The following LILRB1 variants were observed in gnomAD, a reference collection of about 807,000 sequenced individuals.
LILRB1 encodes leukocyte immunoglobulin like receptor B1.
In LILRB1, 59 loss-of-function variants were observed where a neutral mutation model predicts 74.6. That is an observed-to-expected ratio of 0.79 (90% CI 0.64 to 0.98). LILRB1 has a LOEUF of 0.98. LILRB1 is among the 50% of genes least tolerant of loss of function. The pLI, the probability that LILRB1 is intolerant of heterozygous loss-of-function variation, is 0.00. For synonymous variants in LILRB1, 328 were observed against 333.9 expected (o/e 0.98, Z 0.19); for missense variants, 804 against 822.6 (o/e 0.98, Z 0.28).
chr19:54,626,972 C>T (rs930322579), upstream of LILRB1, among the ~76,000 whole-genome samples: 7 of 152,188 alleles, frequency 4.6e-5, no homozygotes, highest in African/African-American at 9.7e-5. Context: ...CATGCACACC[C>T]GGGAAGGTGG....
chr19:54,632,693 C>CTACG lies in LILRB1; in HGVS notation c.892_895dup (p.Gly299ValfsTer27). 6.2e-7 allele frequency: 1 copy of CTACG among 1,612,934 alleles called. No homozygotes were observed. Among genetic ancestry groups the CTACG allele is most frequent in the East Asian group, 2.2e-5 (1 of 44,896 alleles). On this transcript the variant is annotated frameshift_variant, in exon 6 of 15. Transcript: ENST00000324602. LOFTEE classifies it high-confidence loss of function. ...GCTCCTACGGGGGCCAGTACAGATG[C>CTACG]TACGGTGCACACAACCTCTCCTCCG...
Position 54,636,857 on chromosome 19 carries a change from C to A in LILRB1, c.1938C>A (p.Tyr646Ter), listed in dbSNP as rs1395375851. 1.9e-6 allele frequency: 3 copies of A among 1,613,532 alleles called. No homozygotes were observed. ...CCTCTCCAGCTGTGCCCAGCATCTACGCCACTCTGGCCATCCACTAGCCCA... is the reference window on the plus strand; with the variant it reads ...CCTCTCCAGCTGTGCCCAGCATCTAAGCCACTCTGGCCATCCACTAGCCCA... Reference protein sequence around the residue: ...EGPSPAVPSIYATLAIH With the variant: ...EGPSPAVPSI The change falls in exon 15 of 15, where the codon TAC (tyrosine) becomes TAA (stop). Residue 646 changes from tyrosine to a stop codon, truncating the protein, a stop_gained. Coordinates refer to ENST00000324602, the MANE Select transcript of LILRB1 (RefSeq NM_001081637.3). LOFTEE classifies it high-confidence loss of function.
upstream of LILRB1, among the ~76,000 whole-genome samples, chr19:54,627,391 G>T (rs948240177): frequency 1.3e-5 from 2 of 152,140 alleles, no homozygotes; most frequent in Admixed American, 1.3e-4. Flanking sequence ...AGATGACTTT[G>T]GTCAAGCTCA....
At position 54,631,928 on chromosome 19, in the gene LILRB1, C is replaced by T. The variant is rs775508518; in HGVS notation, c.359-7C>T. On this transcript the variant is annotated splice_polypyrimidine_tract_variant and splice_region_variant and intron_variant, in intron 4 of 14. Transcript: ENST00000324602. Reference sequence around the variant, plus strand: ...CACATTTAACACGGTGCCTCCTTCTCTCCTAGGAGCCTACATCAAACCCAC... The same window carrying T: ...CACATTTAACACGGTGCCTCCTTCTTTCCTAGGAGCCTACATCAAACCCAC... 62 of 1,612,056 alleles carry T rather than the reference C, an allele frequency of 3.8e-5. No individual in the cohort carries two copies. The South Asian group carries it at 5.5e-4, about 14-fold the overall frequency.
At chr19:54,627,832 T>G (rs1338089907), upstream of LILRB1, among the ~76,000 whole-genome samples, 2 of 152,196 alleles carry the variant, frequency 1.3e-5, no homozygotes, top group Non-Finnish European at 2.9e-5. Flanking sequence ...TGTGTGGGAT[T>G]TTTTTTCCTA....
intron 9 of LILRB1, 103 bp from the exon 10 acceptor site, chr19:54,634,538 G>T: frequency 6.6e-7 from 1 of 1,520,644 alleles, no homozygotes; most frequent in East Asian, 2.5e-5. Flanking sequence ...CACGACTGTT[G>T]TGGGGGTTGG....
chr19:54,621,171 AC>A (rs1239219105), intron 1 of LILRB1, among the ~76,000 whole-genome samples: 1 of 152,126 alleles, frequency 6.6e-6, no homozygotes, highest in Admixed American at 6.5e-5. Context: ...ACCACACCTG[AC>A]CCAATTGTCT....
At chr19:54,632,349 G>T (rs2063950377) in intron 5 of LILRB1, 112 bp downstream of exon 5, 5 of 1,547,700 alleles carry the variant, frequency 3.2e-6, no homozygotes, top group Non-Finnish European at 3.5e-6. Flanking sequence ...AGGGCTCAGG[G>T]CTCCTGGGGC....
chr19:54,625,800 C>T (rs998526754), upstream of LILRB1, among the ~76,000 whole-genome samples: 1 of 148,334 alleles, frequency 6.7e-6, no homozygotes, highest in Non-Finnish European at 1.5e-5. Flanking sequence ...ACCCCTTCCC[C>T]GTGTTAGGGA....
intron 13 of LILRB1, chr19:54,636,062 C>T (rs1254449788): frequency 9.2e-6 from 5 of 540,834 alleles, no homozygotes; most frequent in Admixed American, 4.5e-5. Flanking sequence ...GTGCCGCCTC[C>T]AGGAGTGCAA....
At chr19:54,621,899 G>A (rs2063467911) in intron 1 of LILRB1, among the ~76,000 whole-genome samples, 1 of 152,040 alleles carries the variant, frequency 6.6e-6, no homozygotes, top group Admixed American at 6.6e-5. Flanking sequence ...TTATTCTTTT[G>A]CATATGGCTA....
At chr19:54,620,101 T>A (rs974196912) in intron 1 of LILRB1, among the ~76,000 whole-genome samples, 1 of 151,926 alleles carries the variant, frequency 6.6e-6, no homozygotes, top group Non-Finnish European at 1.5e-5. Context: ...ATTTAAGAGT[T>A]GCTTTAAAAT....
At chr19:54,633,407 G>A (rs2146273606) in intron 7 of LILRB1, 89 bp downstream of exon 7, 2 of 1,517,774 alleles carry the variant, frequency 1.3e-6, no homozygotes. Flanking sequence ...GGAGTGAGCG[G>A]GGGTCTGAGA....
chr19:54,633,073 G>A lies in LILRB1; in HGVS notation c.1016G>A (p.Gly339Glu), dbSNP rs753430663. 1.2e-6 allele frequency: 2 copies of A among 1,614,248 alleles called. No individual in the cohort carries two copies. The highest frequency in any genetic ancestry group is 1.1e-5 in the South Asian group (1 of 91,086). Residue 339 changes from glycine to glutamate, a missense_variant, in exon 7 of 15, where the codon GGA (glycine) becomes GAA (glutamate). Gly to Glu is a moderately conservative substitution (Grantham distance 98, BLOSUM62 -2). Coordinates refer to ENST00000324602, the MANE Select transcript of LILRB1 (RefSeq NM_001081637.3). ...SVQPGPTVAS[G>E]ENVTLLCQSQ... ...CAGCCGGGCCCCACGGTGGCCTCAG[G>A]AGAGAACGTGACCCTGCTGTGTCAG...
chr19:54,634,952 T>G (rs1470858858), intron 10 of LILRB1, 152 bp from the exon 11 acceptor site: 3 of 1,442,878 alleles, frequency 2.1e-6, no homozygotes, highest in Non-Finnish European at 2.8e-6. Context: ...TCTACAAATG[T>G]AAAGTGTCCT....
rs764525031 is a variant in LILRB1, at chr19:54,636,723, C to G, written c.1813-9C>G. 9.9e-6 allele frequency: 16 copies of G among 1,611,320 alleles called. No individual in the cohort carries two copies. In the South Asian group the frequency reaches 1.8e-4, roughly 18 times the overall value. On this transcript the variant is annotated splice_polypyrimidine_tract_variant and intron_variant, in intron 14 of 14. Coordinates refer to ENST00000324602, the MANE Select transcript of LILRB1 (RefSeq NM_001081637.3). ...CACGTTCCTTCCCTCTCACTCTCCC[C>G]CGCTGCAGGCTGCTGCATCTGAAGC...
Position 54,631,726 on chromosome 19 carries a change from C to T in LILRB1, c.297C>T (p.Tyr99=), listed in dbSNP as rs373674579. The change falls in exon 4 of 15, where the codon TAC becomes TAT. Residue 99 remains tyrosine, a synonymous_variant. Coordinates refer to ENST00000324602, the MANE Select transcript of LILRB1 (RefSeq NM_001081637.3). ...TWEHTGRYRC[Y]YGSDTAGRSE... ...AACACACAGGGCGGTATCGCTGTTA[C>T]TATGGTAGCGACACTGCAGGCCGCT... The T allele has an allele frequency of 1.2e-6, 2 of 1,613,426 alleles. No individual in the cohort carries two copies. The highest frequency in any genetic ancestry group is 1.7e-6 in the Non-Finnish European group (2 of 1,179,604).
At chr19:54,634,614 C>T (rs764415613) in intron 9 of LILRB1, 27 bp from the exon 10 acceptor site, 4 of 1,596,646 alleles carry the variant, frequency 2.5e-6, no homozygotes, top group African/African-American at 2.7e-5. Flanking sequence ...TGACATCACC[C>T]CCATCCCTGA....
Position 54,636,783 on chromosome 19 carries a change from T to C in LILRB1, c.1864T>C (p.Leu622=), listed in dbSNP as rs759869507. The part of the protein sequence containing the change: ...QDVTYAQLHS[L]TLRREATEPP... ...TGTGACCTACGCCCAGCTGCACAGC[T>C]TGACCCTCAGACGGGAGGCAACTGA... The change falls in exon 15 of 15, where the codon TTG becomes CTG. Residue 622 remains leucine, a synonymous_variant. Transcript: ENST00000324602. 3.8e-5 allele frequency: 61 copies of C among 1,610,882 alleles called. No individual in the cohort carries two copies. The highest frequency in any genetic ancestry group is 1.6e-4 in the Middle Eastern group (1 of 6,078).
Sources: gnomAD v4.1 joint callset for allele counts (sites outside exome capture counted in the v4.1 genomes callset) on GRCh38, gnomAD v4.1.1 for gene constraint, MANE v1.5 for transcripts, NCBI Gene and HGNC (gene_info 2026-07-23, HGNC 2026-07-21) for gene names.